The following MARK3 variants were observed in gnomAD, a reference collection of about 807,000 sequenced individuals.
MARK3 encodes the protein MAP/microtubule affinity-regulating kinase 3.
Under a neutral mutation model 90.1 loss-of-function variants are expected in MARK3, and 46 were observed. The observed-to-expected ratio is 0.51, with a 90% CI of 0.40 to 0.65. The LOEUF is 0.65. Ranked by LOEUF, MARK3 falls within the 30% of genes least tolerant of loss-of-function variation. The pLI is 0.00. For missense variants in MARK3, 818 were observed against 947.2 expected (o/e 0.86, Z 1.79); for synonymous variants, 321 against 332.6 (o/e 0.97, Z 0.38).
intron 1 of MARK3, among the ~76,000 whole-genome samples, chr14:103,402,403 A>G (rs936835494): frequency 1.3e-5 from 2 of 152,080 alleles, no homozygotes; most frequent in African/African-American, 4.8e-5. Flanking sequence ...AAATACAAAA[A>G]TTAGCCGGGT....
At chr14:103,408,807 A>G (rs892002473) in intron 2 of MARK3, among the ~76,000 whole-genome samples, 1 of 152,210 alleles carries the variant, frequency 6.6e-6, no homozygotes, top group Admixed American at 6.5e-5. Context: ...CAATTCATTA[A>G]TTTTAGTGAT....
intron 5 of MARK3, among the ~76,000 whole-genome samples, chr14:103,455,371 A>G (rs2093251773): frequency 6.6e-6 from 1 of 152,212 alleles, no homozygotes; most frequent in African/African-American, 2.4e-5. Flanking sequence ...TTAACTTCAT[A>G]ATTCATCATA....
intron 14 of MARK3, chr14:103,490,762 G>GAA (rs5811111): frequency 6.3e-6 from 1 of 158,074 alleles, no homozygotes. Flanking sequence ...TTACTGTTTG[G>GAA]AAAAAAAAAA....
At chr14:103,463,213 C>T (rs774888231) in intron 7 of MARK3, among the ~76,000 whole-genome samples, 3 of 151,858 alleles carry the variant, frequency 2.0e-5, no homozygotes, top group Non-Finnish European at 2.9e-5. Context: ...TTCTCTCTTC[C>T]CTTTCATAGC....
At chr14:103,473,876 T>G (rs1307564161) in intron 12 of MARK3, among the ~76,000 whole-genome samples, 1 of 151,904 alleles carries the variant, frequency 6.6e-6, no homozygotes, top group Non-Finnish European at 1.5e-5. Context: ...ACCTTTAATA[T>G]ATCTAAAATA....
chr14:103,440,928 C>A (rs1386864012), intron 3 of MARK3, among the ~76,000 whole-genome samples: 2 of 141,466 alleles, frequency 1.4e-5, no homozygotes, highest in Admixed American at 7.4e-5. Context: ...AGAGCAGGAG[C>A]CCCTCTTAAA....
At chr14:103,440,245 G>A (rs1320461258) in intron 3 of MARK3, among the ~76,000 whole-genome samples, 8 of 152,158 alleles carry the variant, frequency 5.3e-5, no homozygotes, top group African/African-American at 1.7e-4. Flanking sequence ...ATTGCTTTTT[G>A]TATTGCAAAC....
intron 14 of MARK3, among the ~76,000 whole-genome samples, chr14:103,481,737 A>G (rs1477016245): frequency 1.4e-5 from 2 of 145,134 alleles, no homozygotes; most frequent in Non-Finnish European, 3.0e-5. Context: ...GTTTACAGAT[A>G]ATGATTGATA....
In MARK3 at chr14:103,462,413, T is replaced by G. The variant is rs2093420143; in HGVS notation, c.492T>G (p.Ser164=). The G allele has an allele frequency of 6.2e-7, 1 of 1,602,238 alleles. No individual in the cohort carries two copies. Among genetic ancestry groups the G allele is most frequent in the Non-Finnish European group, 8.5e-7 (1 of 1,170,180 alleles). Residue 164 remains serine, a synonymous_variant, in exon 7 of 18, where the codon TCT becomes TCG. Coordinates refer to ENST00000429436, the MANE Select transcript of MARK3 (RefSeq NM_001128918.3). ...GCGTCTCTCCTATTCAGATTGTGTC[T>G]GCAGTTCAATACTGCCATCAGAAAC... ...EARSKFRQIV[S]AVQYCHQKRI... is the part of the protein sequence containing the mutation.
At chr14:103,449,412 CA>C (rs34657716) in intron 4 of MARK3, among the ~76,000 whole-genome samples, 1,410 of 83,948 alleles carry the variant, frequency 0.017, 3 homozygotes, top group African/African-American at 0.037. Context: ...CCCGTCTCTC[CA>C]AAAAAAAAAA....
chr14:103,490,925 C>T, intron 14 of MARK3: 2 of 1,249,890 alleles, frequency 1.6e-6, no homozygotes, highest in Non-Finnish European at 2.1e-6. Context: ...GTGTTTCTGC[C>T]TCTGCCTGAA....
chr14:103,487,524 A>T (rs1181230674), intron 14 of MARK3, among the ~76,000 whole-genome samples: 1 of 151,916 alleles, frequency 6.6e-6, no homozygotes, highest in East Asian at 2.0e-4. Flanking sequence ...AAGCTGACTA[A>T]AAGCCTTTTC....
At chr14:103,389,943 C>CA (rs71126011) in intron 1 of MARK3, among the ~76,000 whole-genome samples, 660 of 29,320 alleles carry the variant, frequency 0.023, 24 homozygotes, top group Non-Finnish European at 0.029. Context: ...TACTCCGTCT[C>CA]AAAAAAAAAA....
intron 2 of MARK3, among the ~76,000 whole-genome samples, chr14:103,423,916 C>T (rs999627469): frequency 7.9e-5 from 12 of 152,148 alleles, no homozygotes; most frequent in Non-Finnish European, 1.3e-4. Context: ...TGTATAAGAA[C>T]AGAATCAGTC....
intron 2 of MARK3, among the ~76,000 whole-genome samples, chr14:103,418,391 T>C (rs947819042): frequency 2.6e-5 from 4 of 152,282 alleles, no homozygotes; most frequent in Non-Finnish European, 5.9e-5. Context: ...CCTAAGCATC[T>C]GATCACAAGC....
At chr14:103,496,624 G>T (rs1267446079) in intron 15 of MARK3, among the ~76,000 whole-genome samples, 1 of 151,884 alleles carries the variant, frequency 6.6e-6, no homozygotes, top group Admixed American at 6.6e-5. Flanking sequence ...TGTTGGCCAG[G>T]CTGGTCACAA....
intron 3 of MARK3, among the ~76,000 whole-genome samples, chr14:103,435,088 C>T (rs1160003965): frequency 1.3e-5 from 2 of 152,146 alleles, no homozygotes; most frequent in Non-Finnish European, 2.9e-5. Context: ...AATTTGAAAG[C>T]AAGGAGAACC....
At position 103,452,471 on chromosome 14, in the gene MARK3, CTTTTTTTT is replaced by C. The variant is rs71126026; in HGVS notation, c.412+499_412+506del. 1.1e-4 allele frequency among the ~76,000 whole-genome samples: 11 copies of C among 97,472 alleles called. 1 individual carries two copies. The highest frequency in any genetic ancestry group is 3.0e-4 in the East Asian group (1 of 3,322). The allele number at this position is 97,472 out of a possible 152,430, so 63.9% of individuals were successfully genotyped here. On this transcript the variant is annotated intron_variant, in intron 5 of 17. Coordinates refer to ENST00000429436, the MANE Select transcript of MARK3 (RefSeq NM_001128918.3). ...ACAAGTGGAATTTTACAGGATTTGTCTTTTTTTTTTTTTTTTTTGAGACGGAGTCTCGC... is the reference window on the plus strand; with the variant it reads ...ACAAGTGGAATTTTACAGGATTTGTCTTTTTTTTTTGAGACGGAGTCTCGC...
At chr14:103,405,320 A>C in intron 2 of MARK3, 53 bp downstream of exon 2, 1 of 1,340,058 alleles carries the variant, frequency 7.5e-7, no homozygotes. Flanking sequence ...GTTTATTTCC[A>C]TGTAAGAGAA....
Sources: gnomAD v4.1 joint callset for allele counts (sites outside exome capture counted in the v4.1 genomes callset) on GRCh38, gnomAD v4.1.1 for gene constraint, MANE v1.5 for transcripts, NCBI Gene and HGNC (gene_info 2026-07-23, HGNC 2026-07-21) for gene names.